The following PTBP2 variants were observed in gnomAD, a reference collection of about 807,000 sequenced individuals.
PTBP2 encodes polypyrimidine tract-binding protein 2.
A neutral mutation model predicts 61.4 loss-of-function variants in PTBP2; 13 were observed. The observed-to-expected ratio is 0.21, with a 90% CI of 0.14 to 0.34. The LOEUF is 0.34. PTBP2 is among the 10% of genes least tolerant of loss of function. PTBP2 has a pLI of 1.00. For synonymous variants in PTBP2, 215 were observed against 218.5 expected (o/e 0.98, Z 0.14); for missense variants, 405 against 642.6 (o/e 0.63, Z 4.00).
intron 8 of PTBP2, among the ~76,000 whole-genome samples, chr1:96,800,353 A>G (rs1352404163): frequency 6.7e-6 from 1 of 148,602 alleles, no homozygotes; most frequent in East Asian, 2.0e-4. Context: ...TCTTATTTTT[A>G]CTAAAGTACA....
chr1:96,802,097 G>GC (rs1457644562), intron 8 of PTBP2, among the ~76,000 whole-genome samples: 2 of 149,676 alleles, frequency 1.3e-5, no homozygotes, highest in African/African-American at 4.9e-5. Flanking sequence ...TGTAGTCCCA[G>GC]CTACTTGGGA....
chr1:96,778,906 G>A (rs903344264), intron 7 of PTBP2, among the ~76,000 whole-genome samples: 2 of 152,078 alleles, frequency 1.3e-5, no homozygotes, highest in African/African-American at 4.8e-5. Flanking sequence ...GGCTATACAA[G>A]TAATAATAGC....
At chr1:96,743,106 G>A (rs1221567175) in intron 2 of PTBP2, among the ~76,000 whole-genome samples, 1 of 152,002 alleles carries the variant, frequency 6.6e-6, no homozygotes, top group East Asian at 1.9e-4. Context: ...CTAACACAGT[G>A]AAAACCTGTC....
chr1:96,758,467 T>G (rs1655409445), intron 3 of PTBP2, among the ~76,000 whole-genome samples: 1 of 152,108 alleles, frequency 6.6e-6, no homozygotes, highest in Non-Finnish European at 1.5e-5. Flanking sequence ...AGACTAGTAT[T>G]TCTCATTAAC....
Position 96,786,651 on chromosome 1 carries a change from C to A in PTBP2, c.904+1397C>A, listed in dbSNP as rs974638484. Among the ~76,000 whole-genome samples, 37 of 152,140 alleles carry A rather than the reference C, an allele frequency of 2.4e-4. 1 individual carries two copies. Among genetic ancestry groups the A allele is most frequent in the Non-Finnish European group, 1.5e-5 (1 of 68,018 alleles). On this transcript the variant is annotated intron_variant, in intron 8 of 13. Transcript: ENST00000674951. ...GAGTAGCTTCTAGGTCATATTCATT[C>A]AGCTAGGCACTTGGCAGATACATTA...
chr1:96,770,647 G>C (rs116630180), intron 4 of PTBP2, 61 bp from the exon 5 acceptor site: 3 of 1,323,902 alleles, frequency 2.3e-6, no homozygotes, highest in Middle Eastern at 2.1e-4. Context: ...TGAATAGATT[G>C]CTTAGATATT....
intron 2 of PTBP2, among the ~76,000 whole-genome samples, chr1:96,746,829 CTGTCTG>C (rs1653838432): frequency 7.5e-6 from 1 of 134,144 alleles, no homozygotes; most frequent in Non-Finnish European, 1.6e-5. Flanking sequence ...GTCTGTCTGT[CTGTCTG>C]TCTCCCTCCC....
intron 3 of PTBP2, among the ~76,000 whole-genome samples, chr1:96,762,566 G>T (rs555192960): frequency 1.4e-5 from 2 of 144,028 alleles, no homozygotes; most frequent in Non-Finnish European, 3.0e-5. Context: ...CCTCCTTCCC[G>T]GACGGGGCGG....
At chr1:96,801,907 A>T (rs1262607548) in intron 8 of PTBP2, among the ~76,000 whole-genome samples, 9 of 150,592 alleles carry the variant, frequency 6.0e-5, no homozygotes, top group Admixed American at 4.6e-4. Context: ...TGGAAATGAC[A>T]ACCATTAATA....
chr1:96,751,168 C>T (rs191777536), intron 2 of PTBP2: 235 of 488,836 alleles, frequency 4.8e-4, no homozygotes, highest in Admixed American at 9.6e-4. Context: ...AAAGCTTTTG[C>T]TTATAGAATC....
intron 2 of PTBP2, among the ~76,000 whole-genome samples, chr1:96,741,415 T>C (rs1653001619): frequency 6.6e-6 from 1 of 152,084 alleles, no homozygotes; most frequent in Non-Finnish European, 1.5e-5. Context: ...AATACACCAC[T>C]ATGCCCAGCT....
chr1:96,770,598 C>A, intron 4 of PTBP2, 110 bp from the exon 5 acceptor site: 1 of 976,498 alleles, frequency 1.0e-6, no homozygotes, highest in Non-Finnish European at 1.5e-6. Flanking sequence ...TTAAAAGTAA[C>A]CTGAAGGATT....
chr1:96,819,144 TAATGA>T (rs1158680075), downstream of PTBP2: 2 of 152,010 alleles, frequency 1.3e-5, no homozygotes, highest in Admixed American at 6.6e-5. Flanking sequence ...TTTTGTGGTT[TAATGA>T]AATGATACTC....
intron 11 of PTBP2, among the ~76,000 whole-genome samples, chr1:96,807,201 T>A (rs1661580066): frequency 6.6e-6 from 1 of 152,202 alleles, no homozygotes; most frequent in Non-Finnish European, 1.5e-5. Context: ...AAAATTGTAA[T>A]AATAGTTTCA....
At chr1:96,725,593 A>G (rs1650312797) in intron 2 of PTBP2, among the ~76,000 whole-genome samples, 1 of 152,150 alleles carries the variant, frequency 6.6e-6, no homozygotes, top group Non-Finnish European at 1.5e-5. Context: ...GATGATAAAA[A>G]AAAATTGCAA....
chr1:96,761,596 G>GAATAATATTA (rs1655878335), intron 3 of PTBP2, among the ~76,000 whole-genome samples: 1 of 152,064 alleles, frequency 6.6e-6, no homozygotes, highest in Admixed American at 6.5e-5. Context: ...GACAAGTTTG[G>GAATAATATTA]AATAATATTA....
intron 7 of PTBP2, 151 bp downstream of exon 7, chr1:96,778,097 A>G: frequency 2.7e-6 from 1 of 368,274 alleles, no homozygotes; most frequent in East Asian, 4.4e-5. Context: ...AATATTTGTC[A>G]TAAAAGAAAT....
At chr1:96,792,530 A>G (rs1195597539) in intron 8 of PTBP2, among the ~76,000 whole-genome samples, 2 of 152,226 alleles carry the variant, frequency 1.3e-5, no homozygotes, top group Non-Finnish European at 2.9e-5. Flanking sequence ...TCTCACCTGT[A>G]GAATAGTTAT....
chr1:96,731,833 T>G, intron 2 of PTBP2, among the ~76,000 whole-genome samples: 1 of 152,170 alleles, frequency 6.6e-6, no homozygotes, highest in East Asian at 1.9e-4. Flanking sequence ...ATTTGTAATA[T>G]CAGGGGTGTC....
Sources: allele counts gnomAD v4.1 joint callset (sites outside exome capture counted in the v4.1 genomes callset), GRCh38; gene constraint gnomAD v4.1.1; transcripts MANE v1.5; gene names NCBI Gene and HGNC (gene_info 2026-07-23, HGNC 2026-07-21).